The following LRRC14 variants were observed in gnomAD, a reference collection of about 807,000 sequenced individuals.
LRRC14 encodes the protein leucine rich repeat containing 14.
Under a neutral mutation model 25.3 loss-of-function variants are expected in LRRC14, and 16 were observed. The ratio of observed to expected loss-of-function variants is 0.63; its 90% confidence interval spans 0.43 to 0.96. LRRC14 has a LOEUF of 0.96. Among genes scored for constraint, LRRC14 ranks in the 40% least tolerant of loss-of-function variants. The pLI is 0.00. For synonymous variants in LRRC14, 359 were observed against 295.1 expected, an observed-to-expected ratio of 1.22 and a Z score of -2.22; for missense variants, 594 against 660.5, an observed-to-expected ratio of 0.90 and a Z score of 1.10.
chr8:144,522,992 T>C lies in LRRC14; in HGVS notation c.*1514T>C, dbSNP rs577212230. 1.9e-6 allele frequency: 3 copies of C among 1,595,504 alleles called. No individual in the cohort carries two copies. The highest frequency in any genetic ancestry group is 2.2e-5 in the East Asian group (1 of 44,638). On this transcript the variant is annotated 3_prime_UTR_variant, in exon 4 of 4. Coordinates refer to ENST00000292524, the MANE Select transcript of LRRC14 (RefSeq NM_014665.4). ...GGCGTTGGAGGCCTCGCACTCGTAC[T>C]TACCGGCGTGCGCCAGCGTGATGTT... is the stretch of plus-strand genomic sequence containing the variant.
intron 2 of LRRC14, 39 bp downstream of exon 2, chr8:144,520,093 G>A (rs756081440): frequency 3.8e-6 from 6 of 1,583,694 alleles, no homozygotes; most frequent in Non-Finnish European, 5.1e-6. Flanking sequence ...CCAGGGGTGT[G>A]TAAGTGGGTC....
In LRRC14 at chr8:144,524,204, G is replaced by A; in HGVS notation, c.*2726G>A. 6.2e-7 allele frequency: 1 copy of A among 1,612,604 alleles called. No homozygotes were observed. Among genetic ancestry groups the A allele is most frequent in the Non-Finnish European group, 8.5e-7 (1 of 1,179,908 alleles). ...TCCTGCTGAGGTCCAGCAGTGCTAG[G>A]GAGGACAGCCCCGCTAGAGCCTGGT... On this transcript the variant is annotated 3_prime_UTR_variant, in exon 4 of 4. Coordinates refer to ENST00000292524, the MANE Select transcript of LRRC14 (RefSeq NM_014665.4).
At chr8:144,520,118 G>A in intron 2 of LRRC14, 64 bp downstream of exon 2, 3 of 1,571,710 alleles carry the variant, frequency 1.9e-6, no homozygotes, top group Non-Finnish European at 2.6e-6. Flanking sequence ...GAGGAGGCTT[G>A]GGTCATAAAG....
chr8:144,523,793 G>C lies in LRRC14; in HGVS notation c.*2315G>C. The C allele has an allele frequency of 2.4e-6, 1 of 423,334 alleles. No homozygotes were observed. Among genetic ancestry groups the C allele is most frequent in the Non-Finnish European group, 4.2e-6 (1 of 239,070 alleles). The allele number at this position is 423,334 out of a possible 1,614,324, so 26.2% of individuals were successfully genotyped here. A position where few individuals can be genotyped will look rare whatever the true frequency, so the allele number is the denominator to read the frequency against. On this transcript the variant is annotated 3_prime_UTR_variant, in exon 4 of 4. Transcript: ENST00000292524. ...CTTGCCTTTGGATGCCCTCTCTTGG[G>C]AATGTCCCCAGTCCTGGTCAGCTGT...
At position 144,522,244 on chromosome 8, in the gene LRRC14, T is replaced by C. The variant is rs10111332; in HGVS notation, c.*766T>C. The C allele has an allele frequency of 0.49, 253,377 of 522,390 alleles. 62,074 individuals carry two copies. The highest frequency in any genetic ancestry group is 0.68 in the Middle Eastern group (1,287 of 1,894). 32.4% of individuals were successfully genotyped at this position (522,390 alleles called of 1,614,324 possible). ...CAGGGCCAGCGAGGGACCCCCCCCATGCAGAGCTGGAGGTTGGGGTGATGT... is the reference window on the plus strand; with the variant it reads ...CAGGGCCAGCGAGGGACCCCCCCCACGCAGAGCTGGAGGTTGGGGTGATGT... On this transcript the variant is annotated 3_prime_UTR_variant, in exon 4 of 4. Coordinates refer to ENST00000292524, the MANE Select transcript of LRRC14 (RefSeq NM_014665.4).
Position 144,524,804 on chromosome 8 carries a change from C to T in LRRC14, c.*3326C>T. The stretch of plus-strand genomic sequence containing the variant: ...GGCACCCCGTCCTCCCGCAGCTCCA[C>T]ACGGTGCCCACCTGCGTCCCTGGCG... On this transcript the variant is annotated 3_prime_UTR_variant, in exon 4 of 4. Coordinates refer to ENST00000292524, the MANE Select transcript of LRRC14 (RefSeq NM_014665.4). 1 of 1,451,186 alleles carries T rather than the reference C, an allele frequency of 6.9e-7. No individual in the cohort carries two copies. The highest frequency in any genetic ancestry group is 9.0e-7 in the Non-Finnish European group (1 of 1,105,038). 89.9% of individuals were successfully genotyped at this position (1,451,186 alleles called of 1,614,324 possible). A position where few individuals can be genotyped will look rare whatever the true frequency, so the allele number is the denominator to read the frequency against.
chr8:144,524,663 T>G lies in LRRC14; in HGVS notation c.*3185T>G. The G allele has an allele frequency of 6.7e-7, 1 of 1,492,838 alleles. No homozygotes were observed. Among genetic ancestry groups the G allele is most frequent in the Non-Finnish European group, 8.8e-7 (1 of 1,131,686 alleles). 92.5% of individuals were successfully genotyped at this position (1,492,838 alleles called of 1,614,324 possible). A position where few individuals can be genotyped will look rare whatever the true frequency, so the allele number is the denominator to read the frequency against. On this transcript the variant is annotated 3_prime_UTR_variant, in exon 4 of 4. Transcript: ENST00000292524. ...GGTAGAGCCGGCGCAGAGCGGCGAG[T>G]GGCGCCAGGGCTCCCGGCTCTAGGC...
At position 144,519,553 on chromosome 8, in the gene LRRC14, C is replaced by T. The variant is rs181336423; in HGVS notation, c.-111-62C>T. On this transcript the variant is annotated intron_variant, in intron 1 of 3. Transcript: ENST00000292524. ...CCAGTTCACTGCACCCAGCCCAGCG[C>T]TAGGCATCTAATAGGTGCTTCTCTG... 1.1e-4 allele frequency: 69 copies of T among 626,428 alleles called. No homozygotes were observed. In the East Asian group the frequency reaches 1.8e-3, roughly 17 times the overall value. 38.8% of individuals were successfully genotyped at this position (626,428 alleles called of 1,614,324 possible).
rs906030633 is a variant in LRRC14 at position 144,522,867 on chromosome 8, C to T, written c.*1389C>T. The T allele has an allele frequency of 9.5e-6, 12 of 1,267,128 alleles. No individual in the cohort carries two copies. Among genetic ancestry groups the T allele is most frequent in the Admixed American group, 8.5e-5 (2 of 23,582 alleles). 78.5% of individuals were successfully genotyped at this position (1,267,128 alleles called of 1,614,324 possible). On this transcript the variant is annotated 3_prime_UTR_variant, in exon 4 of 4. Transcript: ENST00000292524. ...CCCGCCTCGGGCCGGGGCTCGCTGC[C>T]GGCGGGGCGGGCGGCCGGAGGCGGC...
Position 144,523,272 on chromosome 8 carries a change from C to G in LRRC14, c.*1794C>G. On this transcript the variant is annotated 3_prime_UTR_variant, in exon 4 of 4. Transcript: ENST00000292524. Reference sequence around the variant, plus strand: ...CAGATGAGGCTGCTGTGGGATACGTCCAGGAGACTCTGGAGCGCCAGGCGC... The same window carrying G: ...CAGATGAGGCTGCTGTGGGATACGTGCAGGAGACTCTGGAGCGCCAGGCGC... 1 of 1,610,920 alleles carries G rather than the reference C, an allele frequency of 6.2e-7. No homozygotes were observed. Among genetic ancestry groups the G allele is most frequent in the Non-Finnish European group, 8.5e-7 (1 of 1,179,162 alleles).
In LRRC14 at chr8:144,522,765, C is replaced by T. The variant is rs1425630158; in HGVS notation, c.*1287C>T. ...CAGATCATGGCGACCAGGAGCAGCG[C>T]CGTGAGCGCCAGCAGCGCGATGGCC... On this transcript the variant is annotated 3_prime_UTR_variant, in exon 4 of 4. Coordinates refer to ENST00000292524, the MANE Select transcript of LRRC14 (RefSeq NM_014665.4). 2 of 1,574,664 alleles carry T rather than the reference C, an allele frequency of 1.3e-6. No homozygotes were observed. Among genetic ancestry groups the T allele is most frequent in the Non-Finnish European group, 1.7e-6 (2 of 1,163,332 alleles).
Position 144,522,959 on chromosome 8 carries a change from G to T in LRRC14, c.*1481G>T, listed in dbSNP as rs779532563. ...CAGGAGCCGGAAGGGCACGCGGGCA[G>T]CGCCGCCGGCGTTGGAGGCCTCGCA... On this transcript the variant is annotated 3_prime_UTR_variant, in exon 4 of 4. Transcript: ENST00000292524. 1 of 1,578,234 alleles carries T rather than the reference G, an allele frequency of 6.3e-7. No individual in the cohort carries two copies. The highest frequency in any genetic ancestry group is 2.3e-5 in the East Asian group (1 of 42,866).
intron 1 of LRRC14, 111 bp from the exon 2 acceptor site, chr8:144,519,504 G>A: frequency 1.7e-6 from 1 of 591,764 alleles, no homozygotes; most frequent in Non-Finnish European, 3.0e-6. Flanking sequence ...CTGGAGGGCT[G>A]GGGCTGAGTT....
chr8:144,518,992 A>G (rs954349436), intron 1 of LRRC14, among the ~76,000 whole-genome samples: 3 of 152,242 alleles, frequency 2.0e-5, no homozygotes, highest in African/African-American at 7.2e-5. Flanking sequence ...GGCCAGTGGT[A>G]AGGGCCAACA....
In LRRC14 at chr8:144,522,491, T is replaced by G. The variant is rs1358667334; in HGVS notation, c.*1013T>G. On this transcript the variant is annotated 3_prime_UTR_variant, in exon 4 of 4. Transcript: ENST00000292524. ...CCCGCGGCCCTAGCAGTGGATCTCG[T>G]AGGCGACCGGCGGGGGCACGCGGAG... The G allele has an allele frequency of 6.7e-7, 1 of 1,493,016 alleles. No homozygotes were observed. The highest frequency in any genetic ancestry group is 8.9e-7 in the Non-Finnish European group (1 of 1,128,220). The allele number at this position is 1,493,016 out of a possible 1,614,324, so 92.5% of individuals were successfully genotyped here.
Position 144,520,608 on chromosome 8 carries a change from C to T in LRRC14, c.700C>T (p.Leu234=). The T allele has an allele frequency of 1.2e-6, 2 of 1,601,480 alleles. No individual in the cohort carries two copies. Among genetic ancestry groups the T allele is most frequent in the Non-Finnish European group, 1.7e-6 (2 of 1,179,948 alleles). ...RVDLRFNNLG[L]RGLSVIIPHV... ...GGACCTGCGCTTCAACAATCTGGGC[C>T]TGCGCGGCCTGTCTGTGATCATCCC... The change falls in exon 3 of 4, where the codon CTG becomes TTG. Residue 234 remains leucine, a synonymous_variant. Coordinates refer to ENST00000292524, the MANE Select transcript of LRRC14 (RefSeq NM_014665.4).
In LRRC14 at chr8:144,521,399, T is replaced by G. The variant is rs1256123097; in HGVS notation, c.1403T>G (p.Leu468Arg). Residue 468 changes from leucine to arginine, a missense_variant, in exon 4 of 4, where the codon CTT becomes CGT. Transcript: ENST00000292524. ...ARVEAELHQLLLASGRAHVLW... is the reference protein window; with the variant it reads ...ARVEAELHQLRLASGRAHVLW... The stretch of plus-strand genomic sequence containing the variant: ...GTAGAAGCTGAGTTGCACCAGCTGC[T>G]TCTAGCCTCAGGCCGTGCCCATGTG... 2 of 1,611,826 alleles carry G rather than the reference T, an allele frequency of 1.2e-6. No individual in the cohort carries two copies. The highest frequency in any genetic ancestry group is 2.2e-5 in the South Asian group (2 of 91,086).
rs1815945411 is a variant in LRRC14 at position 144,520,527 on chromosome 8, A to G, written c.619A>G (p.Met207Val). 1.9e-6 allele frequency: 3 copies of G among 1,599,690 alleles called. No homozygotes were observed. Among genetic ancestry groups the G allele is most frequent in the Non-Finnish European group, 2.5e-6 (3 of 1,179,678 alleles). ...CRDLRAEDLP[M>V]RNTVALLQLL... is the part of the protein sequence containing the mutation. ...GGACCTGCGAGCTGAGGACCTGCCC[A>G]TGCGCAACACTGTGGCCCTGCTGCA... Residue 207 changes from methionine to valine, a missense_variant, in exon 3 of 4, where the codon ATG (methionine) becomes GTG (valine). Transcript: ENST00000292524.
chr8:144,523,741 C>T lies in LRRC14; in HGVS notation c.*2263C>T, dbSNP rs1816229361. The T allele has an allele frequency of 1.2e-5, 5 of 419,104 alleles. No individual in the cohort carries two copies. The highest frequency in any genetic ancestry group is 1.7e-5 in the Non-Finnish European group (4 of 236,706). 26.0% of individuals were successfully genotyped at this position (419,104 alleles called of 1,614,324 possible). A position where few individuals can be genotyped will look rare whatever the true frequency, so the allele number is the denominator to read the frequency against. On this transcript the variant is annotated 3_prime_UTR_variant, in exon 4 of 4. Transcript: ENST00000292524. ...GGCGTCCACATAGACATCTCACCAG[C>T]ACTGAAACCTCACAAGTCCTCTCAG...
Sources: allele counts gnomAD v4.1 joint callset (sites outside exome capture counted in the v4.1 genomes callset), GRCh38; gene constraint gnomAD v4.1.1; transcripts MANE v1.5; gene names NCBI Gene and HGNC (gene_info 2026-07-23, HGNC 2026-07-21).